KAT2B: variants seen among roughly 807,000 people sequenced by gnomAD.
The protein encoded by KAT2B is lysine acetyltransferase 2B.
In KAT2B, 36 loss-of-function variants were observed where a neutral mutation model predicts 105.9. That is an observed-to-expected ratio of 0.34 (90% CI 0.26 to 0.45). The LOEUF (loss-of-function observed/expected upper bound fraction) is 0.45, where lower values mean the gene tolerates loss of function less well. Among genes scored for constraint, KAT2B ranks in the 20% least tolerant of loss-of-function variants. The probability of loss-of-function intolerance (pLI) is 1.00; values close to 1 mark genes in which losing one functional copy is unlikely to be tolerated. For synonymous variants in KAT2B, 397 were observed against 377.9 expected, an observed-to-expected ratio of 1.05 and a Z score of -0.59; for missense variants, 820 against 1,021.6, an observed-to-expected ratio of 0.80 and a Z score of 2.69.
In KAT2B at chr3:20,153,783, T is replaced by C. The variant is rs1283083694; in HGVS notation, c.*1258T>C. The stretch of plus-strand genomic sequence containing the variant: ...TCAACACTAATTTTTATGATGCAAA[T>C]TTATACACTGATTTTTGTAAAGGAC... On this transcript the variant is annotated 3_prime_UTR_variant, in exon 18 of 18. Transcript: ENST00000263754. 1 of 152,592 alleles carries C rather than the reference T, an allele frequency of 6.6e-6. No individual in the cohort carries two copies. Among genetic ancestry groups the C allele is most frequent in the African/African-American group, 2.4e-5 (1 of 41,446 alleles). The allele number at this position is 152,592 out of a possible 1,614,324, so 9.5% of individuals were successfully genotyped here.
At chr3:20,118,265 ATATAT>A (rs1460435975) in intron 7 of KAT2B, among the ~76,000 whole-genome samples, 1 of 146,350 alleles carries the variant, frequency 6.8e-6, no homozygotes, top group African/African-American at 2.5e-5. Flanking sequence ...AAATATGTAA[ATATAT>A]TATTTATATA....
At chr3:20,115,339 T>C (rs1398521768) in intron 7 of KAT2B, among the ~76,000 whole-genome samples, 1 of 152,206 alleles carries the variant, frequency 6.6e-6, no homozygotes, top group Non-Finnish European at 1.5e-5. Flanking sequence ...GTGGCATCAG[T>C]TGGCATTTTG....
Position 20,050,637 on chromosome 3 carries a change from A to G in KAT2B, c.303+9857A>G, listed in dbSNP as rs1697899585. On this transcript the variant is annotated intron_variant, in intron 1 of 17. Coordinates refer to ENST00000263754, the MANE Select transcript of KAT2B (RefSeq NM_003884.5). ...GTAAAGACACATGTTTTTAAATTAA[A>G]AAATTAAAACATTGCCAGCAATTTT... Among the ~76,000 whole-genome samples, 3 of 152,252 alleles carry G rather than the reference A, an allele frequency of 2.0e-5. No homozygotes were observed. In the South Asian group the frequency reaches 6.2e-4, roughly 31 times the overall value.
At chr3:20,059,978 T>A (rs1184170382) in intron 1 of KAT2B, among the ~76,000 whole-genome samples, 6 of 152,222 alleles carry the variant, frequency 3.9e-5, no homozygotes, top group Non-Finnish European at 7.3e-5. Flanking sequence ...AATGGAAGTA[T>A]ACAGTATGTG....
Position 20,129,007 on chromosome 3 carries a change from C to CAAA in KAT2B, c.1749+1478_1749+1480dup, listed in dbSNP as rs534566854. Among the ~76,000 whole-genome samples the CAAA allele has an allele frequency of 3.6e-3, 206 of 56,854 alleles. 3 individuals are homozygous for CAAA. The highest frequency in any genetic ancestry group is 6.7e-3 in the East Asian group (12 of 1,800). The allele number at this position is 56,854 out of a possible 152,430, so 37.3% of individuals were successfully genotyped here. ...GGGCAATGAGAGCGAAACTCCATCT[C>CAAA]AAAAAAAAAAAAAAAAAAAAAAGAA... On this transcript the variant is annotated intron_variant, in intron 11 of 17. Coordinates refer to ENST00000263754, the MANE Select transcript of KAT2B (RefSeq NM_003884.5).
chr3:20,077,608 A>T (rs1698441771), intron 2 of KAT2B, among the ~76,000 whole-genome samples: 1 of 152,260 alleles, frequency 6.6e-6, no homozygotes, highest in African/African-American at 2.4e-5. Flanking sequence ...TATTGATTAT[A>T]TGTTGAAATG....
rs771209664 is a variant in KAT2B at position 20,122,793 on chromosome 3, C to T, written c.1402C>T (p.Leu468Phe). 6.2e-7 allele frequency: 1 copy of T among 1,612,664 alleles called. No individual in the cohort carries two copies. The highest frequency in any genetic ancestry group is 1.1e-5 in the South Asian group (1 of 90,868). The change falls in exon 9 of 18, where the codon CTT (leucine) becomes TTT (phenylalanine). Residue 468 changes from leucine to phenylalanine, a missense_variant. This residue lies in a region of KAT2B where 225 missense variants were observed against 268.1 expected (regional missense o/e 0.84). Coordinates refer to ENST00000263754, the MANE Select transcript of KAT2B (RefSeq NM_003884.5). ...MSTITDPAAMLGPETNFLSAH... is the reference protein window; with the variant it reads ...MSTITDPAAMFGPETNFLSAH... ...TACCATCACGGACCCTGCAGCAATGCTTGGACCAGAGGTCAGCAGGGTAAA... is the reference window on the plus strand; with the variant it reads ...TACCATCACGGACCCTGCAGCAATGTTTGGACCAGAGGTCAGCAGGGTAAA...
At chr3:20,056,282 G>T (rs1390800645) in intron 1 of KAT2B, among the ~76,000 whole-genome samples, 3 of 152,160 alleles carry the variant, frequency 2.0e-5, no homozygotes, top group African/African-American at 7.2e-5. Context: ...TGTTACAAGG[G>T]AGGTGGTGAT....
chr3:20,048,244 C>T (rs1269199428), intron 1 of KAT2B, among the ~76,000 whole-genome samples: 5 of 152,136 alleles, frequency 3.3e-5, no homozygotes, highest in Non-Finnish European at 7.3e-5. Flanking sequence ...ATTCTGTATC[C>T]TCAGAAATTT....
At chr3:20,065,218 C>G (rs1312338394) in intron 1 of KAT2B, among the ~76,000 whole-genome samples, 2 of 152,128 alleles carry the variant, frequency 1.3e-5, no homozygotes, top group African/African-American at 4.8e-5. Context: ...GAGATGTGCT[C>G]TTGGGGGGAT....
intron 14 of KAT2B, 120 bp downstream of exon 14, chr3:20,146,550 T>C (rs1192625986): frequency 1.6e-6 from 1 of 620,870 alleles, no homozygotes; most frequent in Non-Finnish European, 2.9e-6. Context: ...CTCTGTGTTA[T>C]CTCTAGTCTT....
At position 20,125,996 on chromosome 3, in the gene KAT2B, C is replaced by T. The variant is rs141445570; in HGVS notation, c.1505C>T (p.Ser502Phe). The T allele has an allele frequency of 3.2e-5, 51 of 1,614,014 alleles. No individual in the cohort carries two copies. In the African/African-American group the frequency reaches 5.9e-4, roughly 19 times the overall value. The stretch of plus-strand genomic sequence containing the variant: ...ATTGAATTTCACGTGGTTGGCAATT[C>T]CCTCAACCAGAAACCAAACAAGAAG... ...GVIEFHVVGN[S>F]LNQKPNKKIL... The change falls in exon 10 of 18, where the codon TCC becomes TTC. Residue 502 changes from serine (S) to phenylalanine (F), a missense_variant. Ser to Phe is a radical substitution (Grantham distance 155, BLOSUM62 -2). Around this residue, in one of 6 missense-constraint regions of KAT2B, gnomAD observed 225 missense variants for 268.1 expected, o/e 0.84. Transcript: ENST00000263754.
rs1321280102 is a variant in KAT2B at position 20,062,197 on chromosome 3, ATATT to A, written c.304-10134_304-10131del. Among the ~76,000 whole-genome samples the A allele has an allele frequency of 5.0e-5, 2 of 40,076 alleles. 1 individual carries two copies. The highest frequency in any genetic ancestry group is 1.8e-4 in the African/African-American group (2 of 11,298). The allele number at this position is 40,076 out of a possible 152,430, so 26.3% of individuals were successfully genotyped here. ...ATAATATATAATATATAAAATATAT[ATATT>A]TTATATAAAATATATTATATATAAA... On this transcript the variant is annotated intron_variant, in intron 1 of 17. Coordinates refer to ENST00000263754, the MANE Select transcript of KAT2B (RefSeq NM_003884.5).
At chr3:20,149,606 A>G (rs1699837751) in intron 17 of KAT2B, among the ~76,000 whole-genome samples, 1 of 151,518 alleles carries the variant, frequency 6.6e-6, no homozygotes, top group African/African-American at 2.4e-5. Context: ...GGTGTTTTCT[A>G]TAGCATTTAA....
intron 2 of KAT2B, among the ~76,000 whole-genome samples, chr3:20,073,132 G>A (rs6763170): frequency 0.54 from 81,624 of 151,944 alleles, 23,313 homozygotes; most frequent in African/African-American, 0.73. Context: ...AAAAAATCAT[G>A]TGTTGTTTGA....
At chr3:20,054,043 C>T (rs1697961826) in intron 1 of KAT2B, among the ~76,000 whole-genome samples, 1 of 152,224 alleles carries the variant, frequency 6.6e-6, no homozygotes, top group African/African-American at 2.4e-5. Flanking sequence ...AGTGATCCAT[C>T]CTCCTCGGCC....
In KAT2B at chr3:20,068,565, T is replaced by C. The variant is rs181998658; in HGVS notation, c.304-3768T>C. ...TCTTTCTTTCCATAGCACCATCACA[T>C]TCTCCAGTATATTCTATAATTTACT... is the stretch of plus-strand genomic sequence containing the variant. On this transcript the variant is annotated intron_variant, in intron 1 of 17. Coordinates refer to ENST00000263754, the MANE Select transcript of KAT2B (RefSeq NM_003884.5). Among the ~76,000 whole-genome samples, 393 of 152,120 alleles carry C rather than the reference T, an allele frequency of 2.6e-3. 1 individual carries two copies. Among genetic ancestry groups the C allele is most frequent in the African/African-American group, 8.0e-3 (331 of 41,494 alleles).
At position 20,063,534 on chromosome 3, in the gene KAT2B, C is replaced by CTT. The variant is rs36058009; in HGVS notation, c.304-8770_304-8769dup. ...CTCACAGCAACTTCTGAGTAGGCCT[C>CTT]TTTTTTTTTTTTTTTTTTTTTTTTT... On this transcript the variant is annotated intron_variant, in intron 1 of 17. Transcript: ENST00000263754. Among the ~76,000 whole-genome samples the CTT allele has an allele frequency of 6.6e-3, 585 of 88,808 alleles. 123 individuals carry two copies. Among genetic ancestry groups the CTT allele is most frequent in the Non-Finnish European group, 0.011 (498 of 45,356 alleles). The allele number at this position is 88,808 out of a possible 152,430, so 58.3% of individuals were successfully genotyped here.
At chr3:20,136,018 A>G (rs1699593931) in intron 11 of KAT2B, among the ~76,000 whole-genome samples, 1 of 152,182 alleles carries the variant, frequency 6.6e-6, no homozygotes, top group Non-Finnish European at 1.5e-5. Context: ...ATAGATGGCA[A>G]AAGACCTCTA....
Sources: gnomAD v4.1 joint callset for allele counts (sites outside exome capture counted in the v4.1 genomes callset) on GRCh38, gnomAD v4.1.1 for gene constraint, gnomAD v4.1.1 regional missense constraint, MANE v1.5 for transcripts, NCBI Gene and HGNC (gene_info 2026-07-23, HGNC 2026-07-21) for gene names.